CDH11: variants seen among roughly 807,000 people sequenced by gnomAD.
The protein encoded by CDH11 is cadherin 11.
Under a neutral mutation model 67.8 loss-of-function variants are expected in CDH11, and 11 were observed. That is an observed-to-expected ratio of 0.16 (90% confidence interval 0.10 to 0.27). The LOEUF is 0.27. Among genes scored for constraint, CDH11 ranks in the 10% least tolerant of loss-of-function variants. CDH11 has a pLI of 1.00. For synonymous variants in CDH11, 419 were observed against 400.0 expected (o/e 1.05, Z -0.57); for missense variants, 847 against 1,031.2 (o/e 0.82, Z 2.45).
At position 64,993,044 on chromosome 16, in the gene CDH11, GAAAT is replaced by G; in HGVS notation, c.524-14_524-11del. 6.2e-7 allele frequency: 1 copy of G among 1,605,082 alleles called. No homozygotes were observed. The highest frequency in any genetic ancestry group is 8.5e-7 in the Non-Finnish European group (1 of 1,172,320). On this transcript the variant is annotated splice_polypyrimidine_tract_variant and intron_variant, in intron 4 of 12. Coordinates refer to ENST00000268603, the MANE Select transcript of CDH11 (RefSeq NM_001797.4). ...TGGATTACTGACGTTCCTTAAAAGT[GAAAT>G]AAATTAATTAGCAACATCTCCTCAG...
Position 65,077,519 on chromosome 16 carries a change from G to A in CDH11, c.-297-23591C>T, listed in dbSNP as rs550937887. On this transcript the variant is annotated intron_variant, in intron 1 of 12. Coordinates refer to ENST00000268603, the MANE Select transcript of CDH11 (RefSeq NM_001797.4). ...TAAATGTGAACTCAAATGCAAAAAT[G>A]CAATGGAAACTGAGAAAAGAGAAAG... Among the ~76,000 whole-genome samples, 294 of 152,304 alleles carry A rather than the reference G, an allele frequency of 1.9e-3. 1 individual carries two copies. Among genetic ancestry groups the A allele is most frequent in the Admixed American group, 5.4e-3 (83 of 15,294 alleles).
intron 1 of CDH11, among the ~76,000 whole-genome samples, chr16:65,071,815 A>G (rs1323596120): frequency 6.6e-6 from 1 of 152,230 alleles, no homozygotes; most frequent in Non-Finnish European, 1.5e-5. Context: ...CCGAGCCGAA[A>G]GTACAGAAAG....
chr16:65,102,869 G>C (rs758385435), intron 1 of CDH11, among the ~76,000 whole-genome samples: 48 of 152,172 alleles, frequency 3.2e-4, no homozygotes, highest in Non-Finnish European at 5.3e-4. Context: ...AAAAAATGCA[G>C]GAAGATGGTT....
At chr16:65,100,930 C>T (rs1435876615) in intron 1 of CDH11, among the ~76,000 whole-genome samples, 1 of 152,070 alleles carries the variant, frequency 6.6e-6, no homozygotes, top group Non-Finnish European at 1.5e-5. Context: ...TAGCTAACAC[C>T]TCTTATCAAG....
chr16:65,081,568 C>CAAA (rs200604783), intron 1 of CDH11, among the ~76,000 whole-genome samples: 1 of 60,724 alleles, frequency 1.6e-5, no homozygotes, highest in Non-Finnish European at 3.4e-5. Context: ...GACTCTGTCT[C>CAAA]AAAAAAAAAA....
intron 11 of CDH11, among the ~76,000 whole-genome samples, chr16:64,958,644 T>C (rs1475433049): frequency 1.3e-5 from 2 of 152,182 alleles, no homozygotes; most frequent in Non-Finnish European, 2.9e-5. Flanking sequence ...TAGGTTTCAT[T>C]GAATTTTATA....
intron 1 of CDH11, among the ~76,000 whole-genome samples, chr16:65,108,181 G>A (rs926999710): frequency 2.0e-5 from 3 of 152,136 alleles, no homozygotes; most frequent in Admixed American, 1.3e-4. Context: ...CAGCTACAAC[G>A]ATGCCTCAGG....
At chr16:64,974,076 C>A (rs1287476403) in intron 8 of CDH11, among the ~76,000 whole-genome samples, 1 of 152,208 alleles carries the variant, frequency 6.6e-6, no homozygotes, top group East Asian at 1.9e-4. Context: ...TATTATTGGG[C>A]TGTATTTGTG....
chr16:65,041,691 C>T (rs1228248117), intron 2 of CDH11, among the ~76,000 whole-genome samples: 4 of 152,194 alleles, frequency 2.6e-5, no homozygotes, highest in African/African-American at 7.2e-5. Flanking sequence ...GCATTTTAAG[C>T]GCATGGCTTT....
At chr16:65,015,331 G>A (rs2142560521) in intron 2 of CDH11, among the ~76,000 whole-genome samples, 1 of 151,860 alleles carries the variant, frequency 6.6e-6, no homozygotes, top group Non-Finnish European at 1.5e-5. Flanking sequence ...TAGAATCTCA[G>A]AGTTGAATGA....
chr16:65,114,652 G>A (rs2075212623), intron 1 of CDH11, among the ~76,000 whole-genome samples: 1 of 152,160 alleles, frequency 6.6e-6, no homozygotes, highest in South Asian at 2.1e-4. Flanking sequence ...GCAAGGTGCA[G>A]GCAGGAGGGA....
intron 2 of CDH11, chr16:65,007,195 A>G (rs2073076639): frequency 6.6e-6 from 1 of 152,208 alleles, no homozygotes; most frequent in Admixed American, 6.5e-5. Context: ...TGCCATCCCA[A>G]GTCTTTCTGT....
At chr16:65,064,074 G>T (rs188325203) in intron 1 of CDH11, among the ~76,000 whole-genome samples, 1 of 152,168 alleles carries the variant, frequency 6.6e-6, no homozygotes, top group African/African-American at 2.4e-5. Context: ...GCCAGGGAGG[G>T]GTCACCTTTG....
chr16:65,079,652 T>C (rs982734009), intron 1 of CDH11, among the ~76,000 whole-genome samples: 1 of 152,204 alleles, frequency 6.6e-6, no homozygotes, highest in African/African-American at 2.4e-5. Context: ...CTTGATTCAG[T>C]TGACCCCTCT....
intron 2 of CDH11, among the ~76,000 whole-genome samples, chr16:65,043,717 A>G (rs1365340863): frequency 6.6e-6 from 1 of 152,148 alleles, no homozygotes. Flanking sequence ...CCATGTTGGG[A>G]TTTCCTGTTT....
At chr16:65,108,983 C>A (rs7195772) in intron 1 of CDH11, among the ~76,000 whole-genome samples, 32,008 of 151,944 alleles carry the variant, frequency 0.21, 3,697 homozygotes, top group Middle Eastern at 0.33. Context: ...CCTGCCTCTA[C>A]TAAAAATACA....
At chr16:65,061,764 T>C (rs2074238877) in intron 1 of CDH11, among the ~76,000 whole-genome samples, 1 of 152,234 alleles carries the variant, frequency 6.6e-6, no homozygotes, top group Non-Finnish European at 1.5e-5. Flanking sequence ...AGGAGCTGAA[T>C]GTTCCGCAGA....
At chr16:65,052,910 T>C (rs528926309) in intron 2 of CDH11, among the ~76,000 whole-genome samples, 1 of 152,290 alleles carries the variant, frequency 6.6e-6, no homozygotes, top group African/African-American at 2.4e-5. Context: ...TTAACTGCTA[T>C]TGGAGGTGAG....
At chr16:64,979,861 T>C (rs749428292) in intron 8 of CDH11, among the ~76,000 whole-genome samples, 9 of 93,648 alleles carry the variant, frequency 9.6e-5, no homozygotes, top group Non-Finnish European at 2.1e-4. Context: ...GGTGCACCCA[T>C]ACAATGAAAA....
Sources: gnomAD v4.1 joint callset for allele counts (sites outside exome capture counted in the v4.1 genomes callset) on GRCh38, gnomAD v4.1.1 for gene constraint, MANE v1.5 for transcripts, NCBI Gene and HGNC (gene_info 2026-07-23, HGNC 2026-07-21) for gene names.